The following ARMC9 variants were observed in gnomAD, a reference collection of about 807,000 sequenced individuals.
The protein encoded by ARMC9 is lisH domain-containing protein ARMC9.
ARMC9 carries 94 observed loss-of-function variants against 107.0 expected under a neutral mutation model. The ratio of observed to expected loss-of-function variants is 0.88; its 90% CI spans 0.74 to 1.04. The LOEUF (loss-of-function observed/expected upper bound fraction) is 1.04, where lower values mean the gene tolerates loss of function less well. Among genes scored for constraint, ARMC9 ranks in the 50% least tolerant of loss-of-function variants. The probability of loss-of-function intolerance (pLI) is 0.00; values close to 1 mark genes in which losing one functional copy is unlikely to be tolerated. For missense variants in ARMC9, 942 were observed against 1,030.1 expected (o/e 0.91, Z 1.17); for synonymous variants, 380 against 396.9 (o/e 0.96, Z 0.51).
chr2:231,370,954 C>T (rs1221026237), intron 24 of ARMC9: 2 of 421,822 alleles, frequency 4.7e-6, no homozygotes, highest in Non-Finnish European at 9.6e-6. Context: ...CCTGGGCGCT[C>T]TGGTCAGCTG....
intron 4 of ARMC9, chr2:231,215,382 C>T (rs1412420533): frequency 6.2e-6 from 1 of 162,114 alleles, no homozygotes; most frequent in Non-Finnish European, 1.3e-5. Flanking sequence ...GAGAAAGGGT[C>T]TTGCTATGTT....
At chr2:231,221,099 G>A (rs560912384) in intron 5 of ARMC9, among the ~76,000 whole-genome samples, 1 of 152,300 alleles carries the variant, frequency 6.6e-6, no homozygotes, top group South Asian at 2.1e-4. Flanking sequence ...TACAGTTCTG[G>A]AGGCTGCAAA....
rs1011634812 is a variant in ARMC9 at position 231,276,517 on chromosome 2, G to A, written c.1335-119G>A. On this transcript the variant is annotated intron_variant, in intron 14 of 24. Coordinates refer to ENST00000611582, the MANE Select transcript of ARMC9 (RefSeq NM_001352754.2). ...ACTCCTGACCTCAGGTGATCCGTCC[G>A]CCTTGGCCTCCCAAAGTGCTGGGAT... 15 of 1,379,342 alleles carry A rather than the reference G, an allele frequency of 1.1e-5. No individual in the cohort carries two copies. In the Admixed American group the frequency reaches 1.9e-4, roughly 17 times the overall value. 85.4% of individuals were successfully genotyped at this position (1,379,342 alleles called of 1,614,324 possible). A position where few individuals can be genotyped will look rare whatever the true frequency, so the allele number is the denominator to read the frequency against.
Position 231,371,711 on chromosome 2 carries a change from C to T in ARMC9, c.*176C>T. 1 of 593,932 alleles carries T rather than the reference C, an allele frequency of 1.7e-6. No individual in the cohort carries two copies. Among genetic ancestry groups the T allele is most frequent in the East Asian group, 3.5e-5 (1 of 28,850 alleles). 36.8% of individuals were successfully genotyped at this position (593,932 alleles called of 1,614,324 possible). A position where few individuals can be genotyped will look rare whatever the true frequency, so the allele number is the denominator to read the frequency against. ...AGCAAGGCCATCGCAGCCCCGCCAG[C>T]CGGGTCACTTTCTCCCAGGGCAGAG... is the stretch of plus-strand genomic sequence containing the variant. On this transcript the variant is annotated 3_prime_UTR_variant, in exon 25 of 25. Transcript: ENST00000611582.
At position 231,271,205 on chromosome 2, in the gene ARMC9, G is replaced by A; in HGVS notation, c.1210+133G>A. 3.7e-6 allele frequency: 3 copies of A among 818,136 alleles called. No individual in the cohort carries two copies. In the South Asian group the frequency reaches 5.7e-5, roughly 16 times the overall value. 50.7% of individuals were successfully genotyped at this position (818,136 alleles called of 1,614,324 possible). A position where few individuals can be genotyped will look rare whatever the true frequency, so the allele number is the denominator to read the frequency against. On this transcript the variant is annotated intron_variant, in intron 13 of 24. Transcript: ENST00000611582. ...GTTTGTTACCGTTTAATTCATCTAA[G>A]GTCTTTTGTGAAAATTAATTGTTGT...
In ARMC9 at chr2:231,215,106, A is replaced by G. The variant is rs565019560; in HGVS notation, c.348+105A>G. ...GGATTTCATATGTGGCTGTGCTGTC[A>G]TAATGCTTACGAGGTACAGGCATCC... On this transcript the variant is annotated intron_variant, in intron 4 of 24. Transcript: ENST00000611582. 1.9e-5 allele frequency: 26 copies of G among 1,357,388 alleles called. No individual in the cohort carries two copies. In the East Asian group the frequency reaches 4.8e-4, roughly 25 times the overall value. 84.1% of individuals were successfully genotyped at this position (1,357,388 alleles called of 1,614,324 possible).
Position 231,292,602 on chromosome 2 carries a change from G to A in ARMC9, c.1717+1159G>A, listed in dbSNP as rs3806547. 0.019 allele frequency among the ~76,000 whole-genome samples: 2,865 copies of A among 152,284 alleles called. 225 individuals are homozygous for A. In the East Asian group the frequency reaches 0.19, roughly 10 times the overall value. On this transcript the variant is annotated intron_variant, in intron 18 of 24. Transcript: ENST00000611582. ...CCTGGGATGGGGCAGAGGTGGTAGG[G>A]AAAGCTCTTCGGCTGTTTCTGTGGA...
rs144995541 is a variant in ARMC9 at position 231,358,155 on chromosome 2, C to T, written c.2131+2221C>T. On this transcript the variant is annotated intron_variant, in intron 22 of 24. Transcript: ENST00000611582. This position sits in a 1 kb window ranked among gnomAD's most constrained non-coding sequence, Gnocchi z 4.5. ...CTGGGCTTTGCAGATAGGGGGACTG[C>T]GGTTAAGTCCATTAAGCCAGGGTAT... Among the ~76,000 whole-genome samples, 354 of 152,226 alleles carry T rather than the reference C, an allele frequency of 2.3e-3. 2 individuals are homozygous for T. Among genetic ancestry groups the T allele is most frequent in the African/African-American group, 7.7e-3 (320 of 41,528 alleles).
chr2:231,238,695 A>G (rs146918020), intron 8 of ARMC9, among the ~76,000 whole-genome samples: 42 of 152,342 alleles, frequency 2.8e-4, no homozygotes, highest in African/African-American at 9.1e-4. Flanking sequence ...GAAATTTACT[A>G]TAGGAATTCA....
At chr2:231,342,868 C>T (rs1427245596) in intron 20 of ARMC9, among the ~76,000 whole-genome samples, 1 of 152,016 alleles carries the variant, frequency 6.6e-6, no homozygotes, top group Non-Finnish European at 1.5e-5. Flanking sequence ...AGGCTTTTTC[C>T]CTTTCACTCT....
intron 18 of ARMC9, among the ~76,000 whole-genome samples, chr2:231,291,847 G>A (rs1237978150): frequency 1.3e-5 from 2 of 151,146 alleles, no homozygotes; most frequent in Admixed American, 6.6e-5. Flanking sequence ...GGAAGGTGGG[G>A]AGACCCAAGT....
intron 23 of ARMC9, among the ~76,000 whole-genome samples, chr2:231,369,598 CT>C (rs71982424): frequency 0.22 from 28,488 of 128,006 alleles, 6,632 homozygotes; most frequent in African/African-American, 0.6. Flanking sequence ...CAGCCAGTTT[CT>C]TTTTTTTTTT....
At position 231,309,400 on chromosome 2, in the gene ARMC9, G is replaced by A. The variant is rs917584476; in HGVS notation, c.1773+13147G>A. Among the ~76,000 whole-genome samples, 10 of 152,132 alleles carry A rather than the reference G, an allele frequency of 6.6e-5. No individual in the cohort carries two copies. In the South Asian group the frequency reaches 1.2e-3, roughly 19 times the overall value. On this transcript the variant is annotated intron_variant, in intron 19 of 24. Transcript: ENST00000611582. ...AGTGATGAGTTTTTCCTGTTATCAC[G>A]GAATTTGGGAATAATAGTACATTTT...
chr2:231,293,512 C>T (rs1308575014), intron 18 of ARMC9, among the ~76,000 whole-genome samples: 1 of 152,136 alleles, frequency 6.6e-6, no homozygotes, highest in Non-Finnish European at 1.5e-5. Context: ...GGGTGCAGGC[C>T]CCCTTTACTC....
At chr2:231,246,246 G>T (rs931254118) in intron 9 of ARMC9, among the ~76,000 whole-genome samples, 2 of 152,164 alleles carry the variant, frequency 1.3e-5, no homozygotes, top group Non-Finnish European at 2.9e-5. Context: ...ACATGTGCAG[G>T]TTTGTTACAT....
At chr2:231,210,681 G>A (rs988379396) in intron 3 of ARMC9, among the ~76,000 whole-genome samples, 1 of 152,200 alleles carries the variant, frequency 6.6e-6, no homozygotes, top group Non-Finnish European at 1.5e-5. Flanking sequence ...TACACTTTCC[G>A]CAACTGGTTT....
chr2:231,230,759 A>G (rs527720069), intron 7 of ARMC9, among the ~76,000 whole-genome samples: 2 of 152,198 alleles, frequency 1.3e-5, no homozygotes, highest in Non-Finnish European at 2.9e-5. Context: ...TATACCTAAT[A>G]CAGTGTAAAT....
intron 21 of ARMC9, among the ~76,000 whole-genome samples, chr2:231,346,724 G>A (rs1007062488): frequency 3.3e-5 from 5 of 152,090 alleles, no homozygotes; most frequent in African/African-American, 9.7e-5. Flanking sequence ...GTAATAATAT[G>A]GATATAGTAT....
At chr2:231,200,712 A>G (rs2030760757) in intron 1 of ARMC9, among the ~76,000 whole-genome samples, 1 of 151,828 alleles carries the variant, frequency 6.6e-6, no homozygotes. Context: ...GCGCATGCCT[A>G]TAACCCCAGC....
Sources: allele counts gnomAD v4.1 joint callset (sites outside exome capture counted in the v4.1 genomes callset), GRCh38; gene constraint gnomAD v4.1.1; non-coding constraint Gnocchi (gnomAD v3.1); transcripts MANE v1.5; gene names NCBI Gene and HGNC (gene_info 2026-07-23, HGNC 2026-07-21).